PTGES: variants seen among roughly 807,000 people sequenced by gnomAD.
The protein encoded by PTGES is prostaglandin E synthase, also known as MGST1-like 1.
In PTGES, 3 loss-of-function variants were observed where a neutral mutation model predicts 11.8. That is an observed-to-expected ratio of 0.25 (90% CI 0.12 to 0.66). The LOEUF (loss-of-function observed/expected upper bound fraction) is 0.66. PTGES is among the 30% of genes least tolerant of loss of function. The probability of loss-of-function intolerance (pLI) is 0.82; values close to 1 mark genes in which losing one functional copy is unlikely to be tolerated. For synonymous variants in PTGES, 94 were observed against 90.4 expected (o/e 1.04, Z -0.22); for missense variants, 180 against 213.0 (o/e 0.85, Z 0.96).
chr9:129,739,507 G>A lies in PTGES; in HGVS notation c.*104C>T, dbSNP rs1588184796. 6.9e-7 allele frequency: 1 copy of A among 1,445,248 alleles called. No homozygotes were observed. Among genetic ancestry groups the A allele is most frequent in the East Asian group, 2.5e-5 (1 of 40,218 alleles). 89.5% of individuals were successfully genotyped at this position (1,445,248 alleles called of 1,614,324 possible). On this transcript the variant is annotated 3_prime_UTR_variant, in exon 3 of 3. Coordinates refer to ENST00000340607, the MANE Select transcript of PTGES (RefSeq NM_004878.5). This position sits in a 1 kb window ranked among gnomAD's most constrained non-coding sequence, Gnocchi z 5.7. Reference sequence around the variant, plus strand: ...CGCGCAGCAGGCTGCCAGGAAACCAGGACTCAGGGCCCACCACAATCTGGA... The same window carrying A: ...CGCGCAGCAGGCTGCCAGGAAACCAAGACTCAGGGCCCACCACAATCTGGA...
chr9:129,741,078 G>T (rs1006330975), intron 2 of PTGES, among the ~76,000 whole-genome samples: 2 of 152,226 alleles, frequency 1.3e-5, no homozygotes, highest in African/African-American at 4.8e-5. Flanking sequence ...GAGGGGGCCT[G>T]GAGTGCTTGG....
At chr9:129,742,371 A>C in intron 2 of PTGES, among the ~76,000 whole-genome samples, 2 of 148,358 alleles carry the variant, frequency 1.3e-5, no homozygotes, top group African/African-American at 2.5e-5. Context: ...AACAAAAATC[A>C]CTCCGTCCTC....
At chr9:129,740,556 A>C (rs1832985687) in intron 2 of PTGES, among the ~76,000 whole-genome samples, 2 of 152,326 alleles carry the variant, frequency 1.3e-5, no homozygotes, top group South Asian at 4.1e-4. Flanking sequence ...TTCATTTTAC[A>C]CATCCTTTCC....
At chr9:129,746,273 C>T (rs1253309735) in intron 2 of PTGES, among the ~76,000 whole-genome samples, 5 of 152,252 alleles carry the variant, frequency 3.3e-5, no homozygotes, top group South Asian at 2.1e-4. Flanking sequence ...GGCAACCCAC[C>T]GTCCTGGCCT....
intron 2 of PTGES, among the ~76,000 whole-genome samples, chr9:129,741,227 CA>C: frequency 6.6e-6 from 1 of 152,272 alleles, no homozygotes. Context: ...CCAGTGTGTG[CA>C]AAGGTCCTGA....
rs530484116 is a variant in PTGES at position 129,744,894 on chromosome 9, T to TG, written c.209+3760_209+3761insC. On this transcript the variant is annotated intron_variant, in intron 2 of 2. Coordinates refer to ENST00000340607, the MANE Select transcript of PTGES (RefSeq NM_004878.5). ...GTCCATCTCAAAAAAAAAAAAAATTTTTTTTGAGTACTTCGTGGTGCAGCC... is the reference window on the plus strand; with the variant it reads ...GTCCATCTCAAAAAAAAAAAAAATTTGTTTTTGAGTACTTCGTGGTGCAGCC... Among the ~76,000 whole-genome samples, 41 of 152,002 alleles carry TG rather than the reference T, an allele frequency of 2.7e-4. No homozygotes were observed. The South Asian group carries it at 8.3e-3, about 31-fold the overall frequency.
intron 1 of PTGES, among the ~76,000 whole-genome samples, chr9:129,751,571 G>A (rs910159979): frequency 4.0e-5 from 6 of 151,662 alleles, no homozygotes; most frequent in African/African-American, 1.2e-4. Flanking sequence ...GCCAGCTACC[G>A]GGGAGGCTGA....
At chr9:129,741,605 G>C (rs2130949982) in intron 2 of PTGES, among the ~76,000 whole-genome samples, 1 of 152,306 alleles carries the variant, frequency 6.6e-6, no homozygotes, top group Non-Finnish European at 1.5e-5. Context: ...CTGGGGTACT[G>C]CCCTCAGGGA....
intron 2 of PTGES, among the ~76,000 whole-genome samples, chr9:129,748,096 A>AT (rs1283051975): frequency 3.3e-5 from 5 of 150,466 alleles, no homozygotes; most frequent in Non-Finnish European, 7.4e-5. Flanking sequence ...TCGCAGGGGA[A>AT]TTGGTTAGGG....
chr9:129,743,123 C>T lies in PTGES; in HGVS notation c.210-3263G>A, dbSNP rs148702726. On this transcript the variant is annotated intron_variant, in intron 2 of 2. Coordinates refer to ENST00000340607, the MANE Select transcript of PTGES (RefSeq NM_004878.5). The stretch of plus-strand genomic sequence containing the variant: ...CTGAGCCCCACCTTCTATTTCCAGC[C>T]ATTGGGCAGCAATTCAGCGGTCACC... Among the ~76,000 whole-genome samples the T allele has an allele frequency of 2.1e-3, 318 of 152,298 alleles. 3 individuals carry two copies. The highest frequency in any genetic ancestry group is 7.0e-3 in the African/African-American group (290 of 41,562).
Position 129,738,410 on chromosome 9 carries a change from A to AACACACACACACACACACAC in PTGES, c.*1181_*1200dup, listed in dbSNP as rs71385459. 1.1e-4 allele frequency: 15 copies of AACACACACACACACACACAC among 138,324 alleles called. No homozygotes were observed. The highest frequency in any genetic ancestry group is 3.5e-4 in the African/African-American group (13 of 36,990). The allele number at this position is 138,324 out of a possible 1,614,324, so 8.6% of individuals were successfully genotyped here. On this transcript the variant is annotated 3_prime_UTR_variant, in exon 3 of 3. Transcript: ENST00000340607. This position sits in a 1 kb window ranked among gnomAD's most constrained non-coding sequence, Gnocchi z 4.2. ...ATCTCAGGTCACGGGTCTAGGAGAA[A>AACACACACACACACACACAC]ACACACACACACACACACACACACA...
Position 129,739,288 on chromosome 9 carries a change from T to G in PTGES, c.*323A>C. ...AGTCTCCCTTCTCTCTTTTCACTGT[T>G]AGGGAGGGAGAGGGAGTGATGTTTT... On this transcript the variant is annotated 3_prime_UTR_variant, in exon 3 of 3. Transcript: ENST00000340607. This position sits in a 1 kb window ranked among gnomAD's most constrained non-coding sequence, Gnocchi z 5.7. 1 of 297,080 alleles carries G rather than the reference T, an allele frequency of 3.4e-6. No homozygotes were observed. The highest frequency in any genetic ancestry group is 6.3e-6 in the Non-Finnish European group (1 of 157,570). 18.4% of individuals were successfully genotyped at this position (297,080 alleles called of 1,614,324 possible). A position where few individuals can be genotyped will look rare whatever the true frequency, so the allele number is the denominator to read the frequency against.
Position 129,743,300 on chromosome 9 carries a change from T to G in PTGES, c.210-3440A>C, listed in dbSNP as rs554489159. Among the ~76,000 whole-genome samples the G allele has an allele frequency of 2.6e-5, 4 of 152,168 alleles. No individual in the cohort carries two copies. The South Asian group carries it at 6.2e-4, about 24-fold the overall frequency. On this transcript the variant is annotated intron_variant, in intron 2 of 2. Coordinates refer to ENST00000340607, the MANE Select transcript of PTGES (RefSeq NM_004878.5). ...AGGGAGCAATGGAGACACCAAGGAA[T>G]GATGGAAGAAAGCTCACCTCCCTCC...
chr9:129,752,142 C>T (rs1245459737), intron 1 of PTGES, among the ~76,000 whole-genome samples: 1 of 152,232 alleles, frequency 6.6e-6, no homozygotes, highest in East Asian at 1.9e-4. Context: ...CGCCTTTGAA[C>T]TGGACACAGG....
intron 2 of PTGES, among the ~76,000 whole-genome samples, chr9:129,744,218 G>C (rs898186976): frequency 2.6e-5 from 4 of 152,078 alleles, no homozygotes; most frequent in African/African-American, 9.7e-5. Context: ...GGACACCATC[G>C]CTAAAGCTCA....
intron 1 of PTGES, 101 bp from the exon 2 acceptor site, chr9:129,748,838 G>T: frequency 2.1e-6 from 2 of 970,668 alleles, no homozygotes; most frequent in Non-Finnish European, 3.0e-6. Flanking sequence ...GCAGGACAGA[G>T]GTGCAGTTGC....
intron 2 of PTGES, among the ~76,000 whole-genome samples, chr9:129,746,228 C>T (rs557583407): frequency 1.3e-5 from 2 of 152,274 alleles, no homozygotes; most frequent in East Asian, 1.9e-4. Context: ...GGAGCCAAAA[C>T]GCATCCTCTT....
Position 129,739,498 on chromosome 9 carries a change from A to T in PTGES, c.*113T>A, listed in dbSNP as rs1832971915. ...AGACCCACACGCGCAGCAGGCTGCC[A>T]GGAAACCAGGACTCAGGGCCCACCA... On this transcript the variant is annotated 3_prime_UTR_variant, in exon 3 of 3. Coordinates refer to ENST00000340607, the MANE Select transcript of PTGES (RefSeq NM_004878.5). The surrounding 1 kb of genome is among the most constrained non-coding windows in gnomAD (Gnocchi z 5.7). 1 of 1,421,534 alleles carries T rather than the reference A, an allele frequency of 7.0e-7. No individual in the cohort carries two copies. Among genetic ancestry groups the T allele is most frequent in the South Asian group, 1.5e-5 (1 of 68,854 alleles). The allele number at this position is 1,421,534 out of a possible 1,614,324, so 88.1% of individuals were successfully genotyped here.
intron 1 of PTGES, 29 bp from the exon 2 acceptor site, chr9:129,748,766 T>G (rs747054581): frequency 6.4e-7 from 1 of 1,555,604 alleles, no homozygotes; most frequent in Non-Finnish European, 8.8e-7. Context: ...GAGTCACTCC[T>G]CGTGAGACAA....
Sources: gnomAD v4.1 joint callset for allele counts (sites outside exome capture counted in the v4.1 genomes callset) on GRCh38, gnomAD v4.1.1 for gene constraint, Gnocchi (gnomAD v3.1) non-coding constraint, MANE v1.5 for transcripts, NCBI Gene and HGNC (gene_info 2026-07-23, HGNC 2026-07-21) for gene names.